Variants in TRHDE observed in about 807,000 individuals in gnomAD.
TRHDE encodes the protein thyrotropin releasing hormone degrading enzyme.
Under a neutral mutation model 125.7 loss-of-function variants are expected in TRHDE, and 72 were observed. The observed-to-expected ratio is 0.57, with a 90% CI of 0.47 to 0.70. TRHDE has a LOEUF of 0.70. Ranked by LOEUF, TRHDE falls within the 30% of genes least tolerant of loss-of-function variation. TRHDE has a pLI of 0.00. For synonymous variants in TRHDE, 509 were observed against 509.1 expected, an observed-to-expected ratio of 1.00 and a Z score of 0.00; for missense variants, 1,110 against 1,327.1, an observed-to-expected ratio of 0.84 and a Z score of 2.54.
Position 72,544,075 on chromosome 12 carries a change from T to C in TRHDE, c.1788+1719T>C, listed in dbSNP as rs1348115116. Among the ~76,000 whole-genome samples, 4 of 151,466 alleles carry C rather than the reference T, an allele frequency of 2.6e-5. No homozygotes were observed. In the East Asian group the frequency reaches 7.8e-4, roughly 29 times the overall value. The stretch of plus-strand genomic sequence containing the variant: ...TATGTTTGTCAACACTGCATTTCAT[T>C]TGCCTGGTGACATCTCATTGATCAG... On this transcript the variant is annotated intron_variant, in intron 7 of 18. Transcript: ENST00000261180.
intron 2 of TRHDE, among the ~76,000 whole-genome samples, chr12:72,195,243 A>G (rs1168403266): frequency 6.6e-6 from 1 of 152,124 alleles, no homozygotes; most frequent in Non-Finnish European, 1.5e-5. Flanking sequence ...ACAATTTAAG[A>G]TAAGATTTGG....
intron 3 of TRHDE, among the ~76,000 whole-genome samples, chr12:72,446,793 C>G (rs1875307996): frequency 6.6e-6 from 1 of 152,088 alleles, no homozygotes; most frequent in Non-Finnish European, 1.5e-5. Flanking sequence ...GTAAAGGGAT[C>G]AATTCAACAA....
At chr12:72,321,439 A>G (rs1869089857) in intron 2 of TRHDE, among the ~76,000 whole-genome samples, 1 of 152,174 alleles carries the variant, frequency 6.6e-6, no homozygotes, top group Non-Finnish European at 1.5e-5. Flanking sequence ...GTGGGTTAAC[A>G]CTGTTCAGGG....
At chr12:72,356,994 A>G (rs573996053) in intron 2 of TRHDE, among the ~76,000 whole-genome samples, 5 of 151,644 alleles carry the variant, frequency 3.3e-5, no homozygotes, top group Admixed American at 1.3e-4. Context: ...CCTTTAGACA[A>G]TTCAGCAAAA....
At chr12:72,214,018 A>G (rs1047775365) in intron 2 of TRHDE, among the ~76,000 whole-genome samples, 1 of 152,146 alleles carries the variant, frequency 6.6e-6, no homozygotes, top group Non-Finnish European at 1.5e-5. Context: ...ATAATTAGAT[A>G]TTTATATTTT....
chr12:72,325,512 T>C (rs912281810), intron 2 of TRHDE, among the ~76,000 whole-genome samples: 2 of 152,044 alleles, frequency 1.3e-5, no homozygotes, highest in Non-Finnish European at 2.9e-5. Flanking sequence ...AAAGAAACCA[T>C]GCAAATATAG....
At chr12:72,578,373 CAAGT>C (rs1438116473) in intron 12 of TRHDE, among the ~76,000 whole-genome samples, 1 of 152,108 alleles carries the variant, frequency 6.6e-6, no homozygotes, top group East Asian at 1.9e-4. Context: ...TCCATGACCT[CAAGT>C]AAGAGTGACT....
rs538823843 is a variant in TRHDE at position 72,564,653 on chromosome 12, A to ATTTTTTTTTTTTTTTTTTTTTTTTT, written c.2042+1621_2042+1645dup. 7.4e-5 allele frequency among the ~76,000 whole-genome samples: 4 copies of ATTTTTTTTTTTTTTTTTTTTTTTTT among 54,276 alleles called. 1 individual carries two copies. Among genetic ancestry groups the ATTTTTTTTTTTTTTTTTTTTTTTTT allele is most frequent in the East Asian group, 6.2e-4 (1 of 1,602 alleles). The allele number at this position is 54,276 out of a possible 152,430, so 35.6% of individuals were successfully genotyped here. ...TGGAATTATAAAATCATGCGTATGA[A>ATTTTTTTTTTTTTTTTTTTTTTTTT]TTTTTTTTTTTTTTTTTTTTTTTTT... is the stretch of plus-strand genomic sequence containing the variant. On this transcript the variant is annotated intron_variant, in intron 9 of 18. Coordinates refer to ENST00000261180, the MANE Select transcript of TRHDE (RefSeq NM_013381.3).
chr12:72,372,540 G>T (rs1392585632), intron 2 of TRHDE, among the ~76,000 whole-genome samples: 11 of 152,008 alleles, frequency 7.2e-5, no homozygotes, highest in Non-Finnish European at 1.3e-4. Flanking sequence ...GTTTAAGTCT[G>T]TAATCCATCT....
Position 72,378,694 on chromosome 12 carries a change from T to C in TRHDE, c.1315+573T>C, listed in dbSNP as rs371181267. ...TTGTTCAGTCATATATCTAGTACAC[T>C]ATTATAGTAAATACAATACAAATAA... On this transcript the variant is annotated intron_variant, in intron 3 of 18. Transcript: ENST00000261180. Among the ~76,000 whole-genome samples, 28 of 152,340 alleles carry C rather than the reference T, an allele frequency of 1.8e-4. 1 individual carries two copies. The highest frequency in any genetic ancestry group is 7.7e-4 in the East Asian group (4 of 5,188).
At chr12:72,348,306 G>A (rs1426948568) in intron 2 of TRHDE, among the ~76,000 whole-genome samples, 2 of 151,554 alleles carry the variant, frequency 1.3e-5, no homozygotes, top group African/African-American at 4.8e-5. Context: ...GCAATAGAAA[G>A]CCTCTTGCAC....
At chr12:72,579,294 T>C (rs975923146) in intron 12 of TRHDE, among the ~76,000 whole-genome samples, 2 of 152,104 alleles carry the variant, frequency 1.3e-5, no homozygotes, top group African/African-American at 4.8e-5. Context: ...GTATATATTT[T>C]TTAAACTTTT....
intron 1 of TRHDE, among the ~76,000 whole-genome samples, chr12:72,089,142 C>T (rs1234416429): frequency 6.6e-6 from 1 of 152,128 alleles, no homozygotes; most frequent in Non-Finnish European, 1.5e-5. Context: ...TTCTTTCAGA[C>T]ACTACATCCA....
chr12:72,163,503 A>T (rs1002430046), intron 2 of TRHDE, among the ~76,000 whole-genome samples: 9 of 152,250 alleles, frequency 5.9e-5, no homozygotes, highest in Non-Finnish European at 1.3e-4. Context: ...TTTTGTGAAG[A>T]TATTTATAAC....
intron 15 of TRHDE, among the ~76,000 whole-genome samples, chr12:72,650,189 T>A (rs950854540): frequency 2.0e-5 from 3 of 152,134 alleles, no homozygotes; most frequent in African/African-American, 7.2e-5. Flanking sequence ...AATGAAATAC[T>A]ATTCAGCCTT....
intron 14 of TRHDE, 62 bp downstream of exon 14, chr12:72,621,267 G>A (rs1330146990): frequency 9.4e-7 from 1 of 1,058,744 alleles, no homozygotes; most frequent in East Asian, 2.4e-5. Context: ...TGTACTACTA[G>A]TGCCATTGTG....
intron 12 of TRHDE, among the ~76,000 whole-genome samples, chr12:72,603,800 C>A (rs1438484849): frequency 6.6e-6 from 1 of 151,708 alleles, no homozygotes; most frequent in Admixed American, 6.6e-5. Context: ...TTGAAGTGCA[C>A]CCTGTGTTTT....
At chr12:72,552,949 T>C in intron 7 of TRHDE, among the ~76,000 whole-genome samples, 1 of 152,108 alleles carries the variant, frequency 6.6e-6, no homozygotes, top group East Asian at 1.9e-4. Flanking sequence ...ATTGAGAAGG[T>C]GAGGCACTTG....
At chr12:72,492,972 GC>G (rs1369577693) in intron 5 of TRHDE, among the ~76,000 whole-genome samples, 1 of 151,812 alleles carries the variant, frequency 6.6e-6, no homozygotes, top group Non-Finnish European at 1.5e-5. Context: ...GCATTAATGG[GC>G]TATATGTGTA....
Sources: gnomAD v4.1 joint callset for allele counts (sites outside exome capture counted in the v4.1 genomes callset) on GRCh38, gnomAD v4.1.1 for gene constraint, MANE v1.5 for transcripts, NCBI Gene and HGNC (gene_info 2026-07-23, HGNC 2026-07-21) for gene names.